Variants in CHRNB2 observed in about 807,000 individuals in gnomAD.
The protein encoded by CHRNB2 is neuronal acetylcholine receptor subunit beta-2.
CHRNB2 carries 33 observed loss-of-function variants against 42.7 expected under a neutral mutation model. That is an observed-to-expected ratio of 0.77 (90% CI 0.59 to 1.03). The LOEUF is 1.03. Among genes scored for constraint, CHRNB2 ranks in the 50% least tolerant of loss-of-function variants. The pLI, the probability that CHRNB2 is intolerant of heterozygous loss-of-function variation, is 0.00. For synonymous variants in CHRNB2, 325 were observed against 292.9 expected, an observed-to-expected ratio of 1.11 and a Z score of -1.12; for missense variants, 603 against 700.9, an observed-to-expected ratio of 0.86 and a Z score of 1.58.
In CHRNB2 at chr1:154,572,095, C is replaced by T. The variant is rs1387804023; in HGVS notation, c.1272C>T (p.Leu424=). The change falls in exon 5 of 6, where the codon CTC becomes CTT. Residue 424 remains leucine (L), a synonymous_variant. Coordinates refer to ENST00000368476, the MANE Select transcript of CHRNB2 (RefSeq NM_000748.3). ...GRSGEPCGCG[L]REAVDGVRFI... Reference sequence around the variant, plus strand: ...CAGGGGAGCCGTGTGGCTGTGGCCTCCGGGAGGCGGTGGACGGCGTGCGCT... The same window carrying T: ...CAGGGGAGCCGTGTGGCTGTGGCCTTCGGGAGGCGGTGGACGGCGTGCGCT... The T allele has an allele frequency of 1.3e-6, 2 of 1,536,608 alleles. No individual in the cohort carries two copies. Among genetic ancestry groups the T allele is most frequent in the Non-Finnish European group, 1.7e-6 (2 of 1,146,512 alleles).
At chr1:154,574,988 C>T (rs1457217110) in intron 5 of CHRNB2, among the ~76,000 whole-genome samples, 4 of 152,224 alleles carry the variant, frequency 2.6e-5, no homozygotes, top group Non-Finnish European at 5.9e-5. Flanking sequence ...GACTGGCTCT[C>T]AAACCCACAG....
chr1:154,567,979 C>T lies in CHRNB2; in HGVS notation c.-66C>T. On this transcript the variant is annotated 5_prime_UTR_variant, in exon 1 of 6. Coordinates refer to ENST00000368476, the MANE Select transcript of CHRNB2 (RefSeq NM_000748.3). Reference sequence around the variant, plus strand: ...TTCAGCACCACGGACAGCGCCCCACCCGCGGCCCTCCCCCCGGCGGCGCGC... The same window carrying T: ...TTCAGCACCACGGACAGCGCCCCACTCGCGGCCCTCCCCCCGGCGGCGCGC... The T allele has an allele frequency of 1.4e-6, 2 of 1,418,830 alleles. No individual in the cohort carries two copies. The highest frequency in any genetic ancestry group is 1.8e-6 in the Non-Finnish European group (2 of 1,083,714). 87.9% of individuals were successfully genotyped at this position (1,418,830 alleles called of 1,614,324 possible). A position where few individuals can be genotyped will look rare whatever the true frequency, so the allele number is the denominator to read the frequency against.
chr1:154,572,059 C>T lies in CHRNB2; in HGVS notation c.1236C>T (p.Gly412=), dbSNP rs767533378. The T allele has an allele frequency of 4.7e-5, 72 of 1,532,470 alleles. No homozygotes were observed. The Admixed American group carries it at 1.3e-3, about 27-fold the overall frequency. 94.9% of individuals were successfully genotyped at this position (1,532,470 alleles called of 1,614,324 possible). ...GGGCTGAGCCTGCACCAGTGGCGGG[C>T]CCCGGGCGCTCAGGGGAGCCGTGTG... The part of the protein sequence containing the change: ...AFGAEPAPVA[G]PGRSGEPCGC... The change falls in exon 5 of 6, where the codon GGC becomes GGT. Residue 412 remains glycine (G), a synonymous_variant. Transcript: ENST00000368476.
In CHRNB2 at chr1:154,575,760, A is replaced by AGG; in HGVS notation, c.1339-1_1339dup. ...TGGGCCTCCTCCGTCTCCTCCATCC[A>AGG]GGTGAGTGAGGACTGGAAGTACGTC... On this transcript the variant is annotated splice_acceptor_variant, in intron 5 of 5. Transcript: ENST00000368476. LOFTEE classifies it high-confidence loss of function. 6.2e-7 allele frequency: 1 copy of AGG among 1,614,128 alleles called. No individual in the cohort carries two copies. The highest frequency in any genetic ancestry group is 8.5e-7 in the Non-Finnish European group (1 of 1,180,018).
intron 1 of CHRNB2, among the ~76,000 whole-genome samples, chr1:154,568,535 C>A (rs572612994): frequency 3.3e-4 from 50 of 152,258 alleles, no homozygotes; most frequent in Non-Finnish European, 6.5e-4. Context: ...TCCCATCCCC[C>A]ACATTGGGCT....
At chr1:154,574,957 G>T (rs563846535) in intron 5 of CHRNB2, among the ~76,000 whole-genome samples, 23 of 152,334 alleles carry the variant, frequency 1.5e-4, no homozygotes, top group African/African-American at 4.1e-4. Flanking sequence ...AGGAGATGCT[G>T]GCCGTTTGTG....
At position 154,575,923 on chromosome 1, in the gene CHRNB2, C is replaced by T; in HGVS notation, c.1500C>T (p.Ser500=). 1 of 1,614,206 alleles carries T rather than the reference C, an allele frequency of 6.2e-7. No homozygotes were observed. The highest frequency in any genetic ancestry group is 8.5e-7 in the Non-Finnish European group (1 of 1,180,040). ...TFLHSDHSAP[S]SK ...TCCACTCAGACCACTCAGCCCCCAGCTCCAAGTGAGGCCCTTCCTCATCTC... is the reference window on the plus strand; with the variant it reads ...TCCACTCAGACCACTCAGCCCCCAGTTCCAAGTGAGGCCCTTCCTCATCTC... The change falls in exon 6 of 6, where the codon AGC becomes AGT. Residue 500 remains serine, a synonymous_variant. Coordinates refer to ENST00000368476, the MANE Select transcript of CHRNB2 (RefSeq NM_000748.3).
chr1:154,571,147 G>T lies in CHRNB2; in HGVS notation c.366-42G>T. 1 of 1,613,748 alleles carries T rather than the reference G, an allele frequency of 6.2e-7. No individual in the cohort carries two copies. The highest frequency in any genetic ancestry group is 1.1e-5 in the South Asian group (1 of 90,950). On this transcript the variant is annotated intron_variant, in intron 4 of 5. Transcript: ENST00000368476. This position sits in a 1 kb window ranked among gnomAD's most constrained non-coding sequence, Gnocchi z 6.8. ...GGCTGGGTTGATGGGTAAGGAGGAA[G>T]GAACGCTTAGGCCAGGGCTGACTGT...
chr1:154,567,984 G>T lies in CHRNB2; in HGVS notation c.-61G>T, dbSNP rs977252707. On this transcript the variant is annotated 5_prime_UTR_variant, in exon 1 of 6. Transcript: ENST00000368476. The stretch of plus-strand genomic sequence containing the variant: ...CACCACGGACAGCGCCCCACCCGCG[G>T]CCCTCCCCCCGGCGGCGCGCTCCAG... 6.9e-7 allele frequency: 1 copy of T among 1,443,956 alleles called. No individual in the cohort carries two copies. The highest frequency in any genetic ancestry group is 9.1e-7 in the Non-Finnish European group (1 of 1,099,470). 89.4% of individuals were successfully genotyped at this position (1,443,956 alleles called of 1,614,324 possible).
chr1:154,575,767 T>A lies in CHRNB2; in HGVS notation c.1344T>A (p.Ser448Arg). Residue 448 changes from serine (S) to arginine (R), a missense_variant, in exon 6 of 6, where the codon AGT (serine) becomes AGA (arginine). Ser to Arg is a moderately radical substitution (Grantham distance 110). This residue lies in a region of CHRNB2 where 270 missense variants were observed against 248.3 expected (regional missense o/e 1.09). Transcript: ENST00000368476. ...CCTCCGTCTCCTCCATCCAGGTGAG[T>A]GAGGACTGGAAGTACGTCGCCATGG... is the stretch of plus-strand genomic sequence containing the variant. ...MRSEDDDQSVSEDWKYVAMVI... is the reference protein window; with the variant it reads ...MRSEDDDQSVREDWKYVAMVI... 3 of 1,614,106 alleles carry A rather than the reference T, an allele frequency of 1.9e-6. No homozygotes were observed. The highest frequency in any genetic ancestry group is 2.5e-6 in the Non-Finnish European group (3 of 1,180,008).
At chr1:154,575,603 A>T (rs1452928006) in intron 5 of CHRNB2, among the ~76,000 whole-genome samples, 159 bp from the exon 6 acceptor site, 2 of 152,028 alleles carry the variant, frequency 1.3e-5, no homozygotes, top group Admixed American at 1.3e-4. Flanking sequence ...GGGCCACTGG[A>T]GGCTTTTACT....
chr1:154,571,387 G>A lies in CHRNB2; in HGVS notation c.564G>A (p.Lys188=). ...GCACAGAGATCGACTTGGTGCTGAA[G>A]AGTGAGGTGGCCAGCCTGGACGACT... is the stretch of plus-strand genomic sequence containing the variant. The part of the protein sequence containing the change: ...YDRTEIDLVL[K]SEVASLDDFT... Residue 188 remains lysine, a synonymous_variant, in exon 5 of 6, where the codon AAG becomes AAA. Coordinates refer to ENST00000368476, the MANE Select transcript of CHRNB2 (RefSeq NM_000748.3). The surrounding 1 kb of genome is among the most constrained non-coding windows in gnomAD (Gnocchi z 6.8). 6.2e-7 allele frequency: 1 copy of A among 1,614,232 alleles called. No homozygotes were observed.
Position 154,567,923 on chromosome 1 carries a change from C to T in CHRNB2, c.-122C>T. The T allele has an allele frequency of 1.1e-6, 1 of 902,448 alleles. No homozygotes were observed. The highest frequency in any genetic ancestry group is 2.3e-5 in the South Asian group (1 of 43,356). The allele number at this position is 902,448 out of a possible 1,614,324, so 55.9% of individuals were successfully genotyped here. A position where few individuals can be genotyped will look rare whatever the true frequency, so the allele number is the denominator to read the frequency against. ...CCAGGAACCACCGCGGCGGCCGGCA[C>T]CACCTGGACCCAGCTCCAGGCGGGC... On this transcript the variant is annotated 5_prime_UTR_variant, in exon 1 of 6. Coordinates refer to ENST00000368476, the MANE Select transcript of CHRNB2 (RefSeq NM_000748.3).
At position 154,572,055 on chromosome 1, in the gene CHRNB2, C is replaced by T. The variant is rs763142542; in HGVS notation, c.1232C>T (p.Ala411Val). 28 of 1,534,022 alleles carry T rather than the reference C, an allele frequency of 1.8e-5. No individual in the cohort carries two copies. The highest frequency in any genetic ancestry group is 1.8e-4 in the Middle Eastern group (1 of 5,548). ...TTCGGGGCTGAGCCTGCACCAGTGG[C>T]GGGCCCCGGGCGCTCAGGGGAGCCG... ...GAFGAEPAPV[A>V]GPGRSGEPCG... is the part of the protein sequence containing the mutation. Residue 411 changes from alanine (A) to valine (V), a missense_variant, in exon 5 of 6, where the codon GCG (alanine) becomes GTG (valine). Ala to Val is a moderately conservative substitution (Grantham distance 64, BLOSUM62 0). Around this residue, in one of 2 missense-constraint regions of CHRNB2, gnomAD observed 270 missense variants for 248.3 expected, o/e 1.09. Transcript: ENST00000368476.
chr1:154,579,766 C>T lies in CHRNB2; in HGVS notation c.*3834C>T, dbSNP rs1696356454. 6.6e-6 allele frequency: 1 copy of T among 152,500 alleles called. No homozygotes were observed. The highest frequency in any genetic ancestry group is 1.5e-5 in the Non-Finnish European group (1 of 68,256). The allele number at this position is 152,500 out of a possible 1,614,324, so 9.4% of individuals were successfully genotyped here. A position where few individuals can be genotyped will look rare whatever the true frequency, so the allele number is the denominator to read the frequency against. ...ACCCTCGATGCCCCCATCTTCCCCA[C>T]ACTGCCCTTGGCCTCCCCGCTCTGC... On this transcript the variant is annotated 3_prime_UTR_variant, in exon 6 of 6. Transcript: ENST00000368476.
chr1:154,572,031 T>G lies in CHRNB2; in HGVS notation c.1208T>G (p.Phe403Cys), dbSNP rs1696180621. 2.6e-6 allele frequency: 4 copies of G among 1,533,880 alleles called. No homozygotes were observed. The East Asian group carries it at 9.8e-5, about 38-fold the overall frequency. Residue 403 changes from phenylalanine (F) to cysteine (C), a missense_variant, in exon 5 of 6, where the codon TTC (phenylalanine) becomes TGC (cysteine). This residue lies in a region of CHRNB2 where 270 missense variants were observed against 248.3 expected (regional missense o/e 1.09). Transcript: ENST00000368476. Reference protein sequence around the residue: ...RASVQGLAGAFGAEPAPVAGP... With the variant: ...RASVQGLAGACGAEPAPVAGP... ...TCGGTGCAGGGGTTGGCCGGGGCCT[T>G]CGGGGCTGAGCCTGCACCAGTGGCG...
intron 5 of CHRNB2, 101 bp from the exon 6 acceptor site, chr1:154,575,661 A>G (rs1165201321): frequency 1.7e-6 from 2 of 1,151,624 alleles, no homozygotes; most frequent in African/African-American, 3.0e-5. Flanking sequence ...TCACTGCAGG[A>G]GAGGAGTGGG....
At chr1:154,568,998 T>C (rs1696112509) in intron 1 of CHRNB2, among the ~76,000 whole-genome samples, 1 of 151,640 alleles carries the variant, frequency 6.6e-6, no homozygotes, top group Non-Finnish European at 1.5e-5. Context: ...CAGTTATTTG[T>C]GTCCCACCAC....
Position 154,571,036 on chromosome 1 carries a change from A to C in CHRNB2, c.366-153A>C, listed in dbSNP as rs1489277013. Among the ~76,000 whole-genome samples, 14 of 123,162 alleles carry C rather than the reference A, an allele frequency of 1.1e-4. No individual in the cohort carries two copies. The highest frequency in any genetic ancestry group is 1.8e-4 in the Admixed American group (2 of 11,176). The allele number at this position is 123,162 out of a possible 152,430, so 80.8% of individuals were successfully genotyped here. ...CCATATCCCCTTCTTGCTCAATTCC[A>C]CCTCTCTATACTCCTGGATGGTTAC... On this transcript the variant is annotated intron_variant, in intron 4 of 5. Transcript: ENST00000368476. The surrounding 1 kb of genome is among the most constrained non-coding windows in gnomAD (Gnocchi z 6.8).
Sources: gnomAD v4.1 joint callset for allele counts (sites outside exome capture counted in the v4.1 genomes callset) on GRCh38, gnomAD v4.1.1 for gene constraint, gnomAD v4.1.1 regional missense constraint, Gnocchi (gnomAD v3.1) non-coding constraint, MANE v1.5 for transcripts, NCBI Gene and HGNC (gene_info 2026-07-23, HGNC 2026-07-21) for gene names.